NCOA4: variants seen among roughly 807,000 people sequenced by gnomAD.
NCOA4 encodes nuclear receptor coactivator 4.
Under a neutral mutation model 69.5 loss-of-function variants are expected in NCOA4, and 31 were observed. That is an observed-to-expected ratio of 0.45 (90% CI 0.34 to 0.60). The LOEUF is 0.60. NCOA4 is among the 20% of genes least tolerant of loss of function. The pLI, the probability that NCOA4 is intolerant of heterozygous loss-of-function variation, is 0.02. For missense variants in NCOA4, 600 were observed against 719.2 expected (o/e 0.83, Z 1.90); for synonymous variants, 228 against 252.4 (o/e 0.90, Z 0.92).
chr10:46,013,434 C>T (rs1055201807), intron 6 of NCOA4, 116 bp downstream of exon 6: 15 of 705,324 alleles, frequency 2.1e-5, no homozygotes, highest in African/African-American at 3.6e-5. Flanking sequence ...CATAAACTAA[C>T]TCATTGCCAC....
intron 1 of NCOA4, among the ~76,000 whole-genome samples, chr10:46,025,710 C>G (rs781922044): frequency 6.6e-6 from 1 of 152,228 alleles, no homozygotes; most frequent in Non-Finnish European, 1.5e-5. Flanking sequence ...GAGCACCTCA[C>G]TCCTCAATAC....
rs1433002569 is a variant in NCOA4, at chr10:46,015,156, T to C, written c.252A>G (p.Thr84=). 3 of 1,614,192 alleles carry C rather than the reference T, an allele frequency of 1.9e-6. No individual in the cohort carries two copies. The highest frequency in any genetic ancestry group is 4.5e-5 in the East Asian group (2 of 44,892). Residue 84 remains threonine (T), a synonymous_variant, in exon 3 of 10, where the codon ACA becomes ACG. Transcript: ENST00000581486. ...VDLIYQLKEE[T]LQQQAQQLYS... ...AGAGCTGCTGAGCCTGCTGTTGAAG[T>C]GTCTCCTCTTTAAGCTGATAAATAA...
chr10:46,027,163 C>A (rs1194525821), intron 1 of NCOA4, among the ~76,000 whole-genome samples: 1 of 148,988 alleles, frequency 6.7e-6, no homozygotes, highest in Admixed American at 6.8e-5. Context: ...CCCAGCTACT[C>A]GGGAGGCTGA....
chr10:46,009,991 T>C (rs1238973349), intron 8 of NCOA4, among the ~76,000 whole-genome samples: 2 of 151,906 alleles, frequency 1.3e-5, no homozygotes, highest in Non-Finnish European at 2.9e-5. Context: ...CAAAACCCCA[T>C]CTCTACCAAA....
In NCOA4 at chr10:46,030,274, A is replaced by AG. The variant is rs201947018; in HGVS notation, c.-15+251dup. 4.7e-3 allele frequency among the ~76,000 whole-genome samples: 716 copies of AG among 151,550 alleles called. 5 individuals carry two copies. The highest frequency in any genetic ancestry group is 0.019 in the East Asian group (95 of 5,106). On this transcript the variant is annotated intron_variant, in intron 1 of 9. Coordinates refer to ENST00000581486, the MANE Select transcript of NCOA4 (RefSeq NM_001145263.2). ...GAGGAGGGTCGGGGAGGAAAAGACA[A>AG]GCCCGGGCCCGGCGTGTGGCGGGAA...
intron 1 of NCOA4, among the ~76,000 whole-genome samples, chr10:46,024,873 A>G (rs1840076142): frequency 6.6e-6 from 1 of 152,226 alleles, no homozygotes; most frequent in South Asian, 2.1e-4. Context: ...TGCCTACAGG[A>G]TAAAGTCCAA....
intron 1 of NCOA4, chr10:46,022,334 C>T: frequency 2.4e-6 from 1 of 422,888 alleles, no homozygotes; most frequent in South Asian, 1.8e-5. Context: ...TTTGATGAGA[C>T]AACCTGCATT....
chr10:46,017,077 A>G (rs1554923451), intron 1 of NCOA4, among the ~76,000 whole-genome samples: 2 of 152,256 alleles, frequency 1.3e-5, no homozygotes, highest in African/African-American at 4.8e-5. Flanking sequence ...AGATTTAGAG[A>G]TGAAGACTAA....
chr10:46,011,833 C>T (rs1590155903), intron 7 of NCOA4, among the ~76,000 whole-genome samples: 1 of 151,322 alleles, frequency 6.6e-6, no homozygotes, highest in African/African-American at 2.4e-5. Flanking sequence ...GCAGGCAGAT[C>T]ACAAGGTCAG....
chr10:46,014,341 A>G, intron 5 of NCOA4, 103 bp downstream of exon 5: 1 of 841,850 alleles, frequency 1.2e-6, no homozygotes, highest in Non-Finnish European at 1.9e-6. Flanking sequence ...TTTGAAGCTA[A>G]TCAAATTCTC....
intron 2 of NCOA4, 133 bp downstream of exon 2, chr10:46,016,407 C>T (rs1448120378): frequency 3.4e-5 from 24 of 709,370 alleles, no homozygotes; most frequent in East Asian, 6.0e-5. Flanking sequence ...AGGCAACTGA[C>T]GGGGACCAAG....
At position 46,006,427 on chromosome 10, in the gene NCOA4, C is replaced by T. The variant is rs1293730514; in HGVS notation, c.*165G>A. On this transcript the variant is annotated 3_prime_UTR_variant, in exon 10 of 10. Coordinates refer to ENST00000581486, the MANE Select transcript of NCOA4 (RefSeq NM_001145263.2). ...ACAGCATTTTTCTTTTAAACAGTAACTCATAATCTGATGACTCACTTTGCT... is the reference window on the plus strand; with the variant it reads ...ACAGCATTTTTCTTTTAAACAGTAATTCATAATCTGATGACTCACTTTGCT... The T allele has an allele frequency of 2.0e-5, 15 of 736,388 alleles. No individual in the cohort carries two copies. In the East Asian group the frequency reaches 2.3e-4, roughly 12 times the overall value. 45.6% of individuals were successfully genotyped at this position (736,388 alleles called of 1,614,324 possible). A position where few individuals can be genotyped will look rare whatever the true frequency, so the allele number is the denominator to read the frequency against.
chr10:46,011,018 T>C lies in NCOA4; in HGVS notation c.903A>G (p.Leu301=), dbSNP rs578202079. The C allele has an allele frequency of 1.9e-6, 3 of 1,613,970 alleles. No individual in the cohort carries two copies. Among genetic ancestry groups the C allele is most frequent in the Admixed American group, 3.3e-5 (2 of 60,010 alleles). The change falls in exon 8 of 10, where the codon CTA becomes CTG. Residue 301 remains leucine (L), a synonymous_variant. Coordinates refer to ENST00000581486, the MANE Select transcript of NCOA4 (RefSeq NM_001145263.2). The part of the protein sequence containing the change: ...QELPDQDEMD[L]SDWLVTPQES... Reference sequence around the variant, plus strand: ...CCTGGGGAGTCACTAGCCAATCTGATAGGTCCATCTCATCTTGATCAGGAA... The same window carrying C: ...CCTGGGGAGTCACTAGCCAATCTGACAGGTCCATCTCATCTTGATCAGGAA...
At chr10:46,019,161 G>T (rs1376309878) in intron 1 of NCOA4, among the ~76,000 whole-genome samples, 1 of 152,170 alleles carries the variant, frequency 6.6e-6, no homozygotes, top group African/African-American at 2.4e-5. Context: ...AGAAAGGGCT[G>T]CCTTAATTGG....
chr10:46,006,252 G>C lies in NCOA4; in HGVS notation c.*340C>G. On this transcript the variant is annotated 3_prime_UTR_variant, in exon 10 of 10. Coordinates refer to ENST00000581486, the MANE Select transcript of NCOA4 (RefSeq NM_001145263.2). ...CATCAATATACTTCGATAAACAAGAGTGTTTTAATGTACTTTTAGTAACGA... is the reference window on the plus strand; with the variant it reads ...CATCAATATACTTCGATAAACAAGACTGTTTTAATGTACTTTTAGTAACGA... 2.8e-6 allele frequency: 1 copy of C among 352,270 alleles called. No individual in the cohort carries two copies. The highest frequency in any genetic ancestry group is 5.3e-6 in the Non-Finnish European group (1 of 189,492). 21.8% of individuals were successfully genotyped at this position (352,270 alleles called of 1,614,324 possible). A position where few individuals can be genotyped will look rare whatever the true frequency, so the allele number is the denominator to read the frequency against.
At chr10:46,030,454 G>A (rs1590187835) in intron 1 of NCOA4, 72 bp downstream of exon 1, 1 of 88,170 alleles carries the variant, frequency 1.1e-5, no homozygotes, top group South Asian at 9.1e-4. Context: ...GTCGGGTCGG[G>A]AAGGGGCGGA....
In NCOA4 at chr10:46,012,768, AAT is replaced by A. The variant is rs531523222; in HGVS notation, c.714+113_714+114del. ...TTCTATGATGAAGAGACTATTAATA[AAT>A]ATGTTTCCAGACTGCAACCAAAAAG... On this transcript the variant is annotated intron_variant, in intron 7 of 9. Transcript: ENST00000581486. The A allele has an allele frequency of 3.6e-3, 3,604 of 1,007,026 alleles. 20 individuals are homozygous for A. The highest frequency in any genetic ancestry group is 3.4e-3 in the Non-Finnish European group (2,556 of 746,334). The allele number at this position is 1,007,026 out of a possible 1,614,324, so 62.4% of individuals were successfully genotyped here.
chr10:46,023,247 G>T, intron 1 of NCOA4: 1 of 983,078 alleles, frequency 1.0e-6, no homozygotes, highest in African/African-American at 1.7e-5. Flanking sequence ...CAGCCGCTGC[G>T]ACCCGGCTCC....
chr10:46,015,364 G>T, intron 2 of NCOA4, 98 bp from the exon 3 acceptor site: 2 of 573,280 alleles, frequency 3.5e-6, no homozygotes, highest in South Asian at 1.8e-5. Flanking sequence ...GGGGGGGTGG[G>T]GTTGGGGGGA....
Sources: allele counts gnomAD v4.1 joint callset (sites outside exome capture counted in the v4.1 genomes callset), GRCh38; gene constraint gnomAD v4.1.1; transcripts MANE v1.5; gene names NCBI Gene and HGNC (gene_info 2026-07-23, HGNC 2026-07-21).